PARD3: variants seen among roughly 807,000 people sequenced by gnomAD.
PARD3 encodes par-3 family cell polarity regulator.
Under a neutral mutation model 155.4 loss-of-function variants are expected in PARD3, and 75 were observed. The ratio of observed to expected loss-of-function variants is 0.48; its 90% CI spans 0.40 to 0.58. PARD3 has a LOEUF of 0.58. Ranked by LOEUF, PARD3 falls within the 20% of genes least tolerant of loss-of-function variation. PARD3 has a pLI of 0.00. For missense variants in PARD3, 1,642 were observed against 1,721.7 expected (o/e 0.95, Z 0.82); for synonymous variants, 576 against 610.5 (o/e 0.94, Z 0.83).
chr10:34,466,555 GTTAACTTATT>G (rs1321477716), intron 4 of PARD3, among the ~76,000 whole-genome samples: 1 of 152,122 alleles, frequency 6.6e-6, no homozygotes, highest in Non-Finnish European at 1.5e-5. Context: ...ATTTAAGAAT[GTTAACTTATT>G]TTAACCACTA....
At chr10:34,779,465 A>T (rs555322287) in intron 1 of PARD3, among the ~76,000 whole-genome samples, 66 of 151,996 alleles carry the variant, frequency 4.3e-4, no homozygotes, top group South Asian at 1.3e-3. Context: ...AAAAAAAATT[A>T]AAAAAATTAG....
At chr10:34,475,721 T>C (rs1424562362) in intron 3 of PARD3, among the ~76,000 whole-genome samples, 28 of 152,240 alleles carry the variant, frequency 1.8e-4, no homozygotes, top group Admixed American at 1.8e-3. Context: ...AGAAATATCT[T>C]TATGTACTGG....
chr10:34,331,122 T>C lies in PARD3; in HGVS notation c.2828A>G (p.Glu943Gly). The change falls in exon 19 of 25, where the codon GAG becomes GGG. Residue 943 changes from glutamate (E) to glycine (G), a missense_variant. Around this residue, in one of 3 missense-constraint regions of PARD3, gnomAD observed 1,529 missense variants for 1,587.3 expected, o/e 0.96. Coordinates refer to ENST00000374788, the MANE Select transcript of PARD3 (RefSeq NM_001184785.2). ...TTCAGCCATTATAAACTTACAGGTC[T>C]CCATGCCTTCATCATCATCATCTAC... is the stretch of plus-strand genomic sequence containing the variant. Reference protein sequence around the residue: ...PAVDDDDEGMETLEEDTEESS... With the variant: ...PAVDDDDEGMGTLEEDTEESS... 2 of 1,611,602 alleles carry C rather than the reference T, an allele frequency of 1.2e-6. No individual in the cohort carries two copies. The highest frequency in any genetic ancestry group is 1.7e-6 in the Non-Finnish European group (2 of 1,177,738).
chr10:34,394,735 A>G (rs889955319), intron 7 of PARD3, among the ~76,000 whole-genome samples: 1 of 152,114 alleles, frequency 6.6e-6, no homozygotes, highest in Non-Finnish European at 1.5e-5. Flanking sequence ...TATCTATTTC[A>G]TGAGAAAGTG....
intron 1 of PARD3, among the ~76,000 whole-genome samples, chr10:34,782,905 T>A (rs1038054586): frequency 2.6e-5 from 4 of 152,054 alleles, no homozygotes; most frequent in Admixed American, 2.6e-4. Flanking sequence ...TTTGTATTTT[T>A]AGTAGAAACG....
At chr10:34,742,633 C>T (rs565271153) in intron 1 of PARD3, among the ~76,000 whole-genome samples, 16 of 152,296 alleles carry the variant, frequency 1.1e-4, no homozygotes, top group Admixed American at 2.0e-4. Context: ...GAATCACATC[C>T]CAACCAACCA....
At chr10:34,219,637 C>T (rs560794449) in intron 22 of PARD3, among the ~76,000 whole-genome samples, 5 of 152,250 alleles carry the variant, frequency 3.3e-5, no homozygotes, top group Admixed American at 6.5e-5. Flanking sequence ...GCAGGTGTTT[C>T]GAAGTTCCTT....
Position 34,530,941 on chromosome 10 carries a change from G to A in PARD3, c.223-13782C>T, listed in dbSNP as rs190604680. ...CAATATCAAAAGAACTTTAAAAGGC[G>A]ACAGTCCCTTACTGGCAAGGTACTT... is the stretch of plus-strand genomic sequence containing the variant. On this transcript the variant is annotated intron_variant, in intron 2 of 24. Transcript: ENST00000374788. Among the ~76,000 whole-genome samples, 64 of 152,328 alleles carry A rather than the reference G, an allele frequency of 4.2e-4. No individual in the cohort carries two copies. In the East Asian group the frequency reaches 5.0e-3, roughly 12 times the overall value.
At chr10:34,773,531 G>A (rs2134112036) in intron 1 of PARD3, among the ~76,000 whole-genome samples, 1 of 152,282 alleles carries the variant, frequency 6.6e-6, no homozygotes, top group Admixed American at 6.5e-5. Context: ...TGATAATCAT[G>A]CCAAATTGCT....
intron 22 of PARD3, among the ~76,000 whole-genome samples, chr10:34,211,525 T>A (rs1951749897): frequency 6.6e-6 from 1 of 152,198 alleles, no homozygotes; most frequent in South Asian, 2.1e-4. Context: ...TTCACGCCTG[T>A]CATCCCAGAA....
At chr10:34,330,230 T>C (rs1235052823) in intron 19 of PARD3, among the ~76,000 whole-genome samples, 4 of 152,322 alleles carry the variant, frequency 2.6e-5, no homozygotes, top group Non-Finnish European at 2.9e-5. Context: ...TAAGCCCTTT[T>C]GCTTCTTAGT....
chr10:34,556,343 G>A (rs894323658), intron 2 of PARD3, among the ~76,000 whole-genome samples: 21 of 151,218 alleles, frequency 1.4e-4, no homozygotes, highest in African/African-American at 4.6e-4. Flanking sequence ...GAATTTAATA[G>A]ACACAACTGC....
chr10:34,460,615 C>T (rs185656890), intron 4 of PARD3, among the ~76,000 whole-genome samples: 7 of 151,948 alleles, frequency 4.6e-5, no homozygotes, highest in East Asian at 1.9e-4. Flanking sequence ...GGGTGGATAA[C>T]GAGGTCAGGA....
At position 34,685,937 on chromosome 10, in the gene PARD3, C is replaced by A. The variant is rs563147074; in HGVS notation, c.222+10381G>T. ...AATTCGAGGTAGTAATCATATGATG[C>A]CACATCCTAATGGAAATTAAACACA... On this transcript the variant is annotated intron_variant, in intron 2 of 24. Coordinates refer to ENST00000374788, the MANE Select transcript of PARD3 (RefSeq NM_001184785.2). 3.9e-5 allele frequency among the ~76,000 whole-genome samples: 6 copies of A among 152,188 alleles called. No individual in the cohort carries two copies. The South Asian group carries it at 1.2e-3, about 32-fold the overall frequency.
At chr10:34,637,017 G>T (rs946342795) in intron 2 of PARD3, among the ~76,000 whole-genome samples, 1 of 152,204 alleles carries the variant, frequency 6.6e-6, no homozygotes, top group African/African-American at 2.4e-5. Context: ...AAATCAAGAT[G>T]ACTGCCTGAG....
chr10:34,384,605 T>C (rs1842162574), intron 7 of PARD3, among the ~76,000 whole-genome samples: 1 of 152,182 alleles, frequency 6.6e-6, no homozygotes. Flanking sequence ...TTGAATGGCT[T>C]GGGCAATTTT....
chr10:34,283,670 G>A (rs1589048394), intron 21 of PARD3, among the ~76,000 whole-genome samples: 1 of 152,104 alleles, frequency 6.6e-6, no homozygotes, highest in Middle Eastern at 3.4e-3. Context: ...AGGTTTGAAA[G>A]AAAAACAACA....
intron 2 of PARD3, among the ~76,000 whole-genome samples, chr10:34,658,764 A>T (rs1460319737): frequency 6.6e-6 from 1 of 152,118 alleles, no homozygotes; most frequent in African/African-American, 2.4e-5. Flanking sequence ...CAGCTAGCAA[A>T]GGAGACGTCT....
intron 22 of PARD3, among the ~76,000 whole-genome samples, chr10:34,183,734 C>A (rs1398271462): frequency 6.6e-6 from 1 of 152,196 alleles, no homozygotes; most frequent in African/African-American, 2.4e-5. Flanking sequence ...CACTTTTCTG[C>A]CGCACACTGG....
Sources: allele counts gnomAD v4.1 joint callset (sites outside exome capture counted in the v4.1 genomes callset), GRCh38; gene constraint gnomAD v4.1.1; regional missense constraint gnomAD v4.1.1; transcripts MANE v1.5; gene names NCBI Gene and HGNC (gene_info 2026-07-23, HGNC 2026-07-21).